Variants in SNX31 observed in about 807,000 individuals in gnomAD.
SNX31 encodes the protein sorting nexin-31.
In SNX31, 58 loss-of-function variants were observed where a neutral mutation model predicts 65.4. That is an observed-to-expected ratio of 0.89 (90% CI 0.72 to 1.10). The LOEUF is 1.10. Ranked by LOEUF, SNX31 falls within the 50% of genes least tolerant of loss-of-function variation. SNX31 has a pLI of 0.00. For synonymous variants in SNX31, 181 were observed against 190.1 expected (o/e 0.95, Z 0.39); for missense variants, 523 against 529.7 (o/e 0.99, Z 0.12).
At chr8:100,596,897 A>T in intron 9 of SNX31, 55 bp from the exon 10 acceptor site, 1 of 1,464,850 alleles carries the variant, frequency 6.8e-7, no homozygotes, top group South Asian at 1.1e-5. Flanking sequence ...GCAAAAGACC[A>T]CTTGAAACAG....
chr8:100,582,980 T>TA (rs1314202833), intron 12 of SNX31, among the ~76,000 whole-genome samples: 41 of 140,420 alleles, frequency 2.9e-4, no homozygotes, highest in Middle Eastern at 3.7e-3. Context: ...AGACTCCATC[T>TA]AAAAAAAAAA....
Position 100,626,476 on chromosome 8 carries a change from A to G in SNX31, c.321+3851T>C, listed in dbSNP as rs943400955. 5.9e-5 allele frequency among the ~76,000 whole-genome samples: 9 copies of G among 152,214 alleles called. No homozygotes were observed. The highest frequency in any genetic ancestry group is 2.2e-4 in the African/African-American group (9 of 41,452). Reference sequence around the variant, plus strand: ...ATCATGATATGAGGAGCTGGGGTTTAAAGCTTTGCTGCTAGACAGTCTGAT... The same window carrying G: ...ATCATGATATGAGGAGCTGGGGTTTGAAGCTTTGCTGCTAGACAGTCTGAT... On this transcript the variant is annotated intron_variant, in intron 4 of 13. Coordinates refer to ENST00000311812, the MANE Select transcript of SNX31 (RefSeq NM_152628.4). This position sits in a 1 kb window ranked among gnomAD's most constrained non-coding sequence, Gnocchi z 4.4.
rs1814234455 is a variant in SNX31 at position 100,588,263 on chromosome 8, T to G, written c.1092+603A>C. Reference sequence around the variant, plus strand: ...TTCAAGATTTAAAAAAATCTGCAATTGGAAACAATTCTGGTGCTAAGCATT... The same window carrying G: ...TTCAAGATTTAAAAAAATCTGCAATGGGAAACAATTCTGGTGCTAAGCATT... On this transcript the variant is annotated intron_variant, in intron 11 of 13. Transcript: ENST00000311812. The surrounding 1 kb of genome is among the most constrained non-coding windows in gnomAD (Gnocchi z 4.8). Among the ~76,000 whole-genome samples, 1 of 152,220 alleles carries G rather than the reference T, an allele frequency of 6.6e-6. No individual in the cohort carries two copies.
chr8:100,606,159 T>C (rs1322387191), intron 8 of SNX31, among the ~76,000 whole-genome samples: 2 of 152,124 alleles, frequency 1.3e-5, no homozygotes, highest in Non-Finnish European at 2.9e-5. Context: ...CTCAGCCTCC[T>C]GAGTAGCTGG....
At chr8:100,637,225 C>T (rs1004544439) in intron 2 of SNX31, among the ~76,000 whole-genome samples, 6 of 152,184 alleles carry the variant, frequency 3.9e-5, no homozygotes, top group African/African-American at 7.2e-5. Context: ...TAAAAATGTG[C>T]ATCTTTATTC....
intron 8 of SNX31, 41 bp from the exon 9 acceptor site, chr8:100,600,482 A>G (rs757568344): frequency 6.5e-7 from 1 of 1,530,456 alleles, no homozygotes; most frequent in South Asian, 1.2e-5. Flanking sequence ...GTCTTAGCAG[A>G]AATTAATCAA....
intron 1 of SNX31, among the ~76,000 whole-genome samples, chr8:100,657,395 T>C (rs1587114717): frequency 6.8e-6 from 1 of 147,624 alleles, no homozygotes; most frequent in South Asian, 2.1e-4. Flanking sequence ...GAGGTTGCGG[T>C]GAGCCAAGAT....
chr8:100,600,548 T>A lies in SNX31; in HGVS notation c.682-107A>T, dbSNP rs1815527163. ...ATATAAAAACAAACCCAAGTGGATA[T>A]ATATTTAGGGATTTAGCATATTATA... On this transcript the variant is annotated intron_variant, in intron 8 of 13. Coordinates refer to ENST00000311812, the MANE Select transcript of SNX31 (RefSeq NM_152628.4). 8 of 800,714 alleles carry A rather than the reference T, an allele frequency of 1.0e-5. No homozygotes were observed. The South Asian group carries it at 1.1e-4, about 11-fold the overall frequency. The allele number at this position is 800,714 out of a possible 1,614,324, so 49.6% of individuals were successfully genotyped here.
chr8:100,577,594 G>A (rs767676358), intron 12 of SNX31, among the ~76,000 whole-genome samples: 18 of 152,236 alleles, frequency 1.2e-4, no homozygotes, highest in Non-Finnish European at 2.1e-4. Context: ...GGAAGGAACC[G>A]TTTAACTATT....
exon 1 of SNX31, chr8:100,663,239 A>ACC (rs35004145): frequency 2.6e-5 from 4 of 151,850 alleles, no homozygotes; most frequent in Non-Finnish European, 5.9e-5. Flanking sequence ...CTGCGCAGAT[A>ACC]CCCCCCCCAA....
At position 100,604,997 on chromosome 8, in the gene SNX31, C is replaced by G. The variant is rs988318690; in HGVS notation, c.681+3497G>C. Among the ~76,000 whole-genome samples the G allele has an allele frequency of 1.3e-5, 2 of 151,992 alleles. No individual in the cohort carries two copies. Among genetic ancestry groups the G allele is most frequent in the African/African-American group, 4.8e-5 (2 of 41,366 alleles). On this transcript the variant is annotated intron_variant, in intron 8 of 13. Transcript: ENST00000311812. The surrounding 1 kb of genome is among the most constrained non-coding windows in gnomAD (Gnocchi z 4.3). ...CCCTGCAACCTCTGCCTCCTGGGTT[C>G]AAGAGATTCTCCTGCCTCGGCCTCC...
At chr8:100,617,292 C>T (rs966402362) in intron 5 of SNX31, among the ~76,000 whole-genome samples, 2 of 152,220 alleles carry the variant, frequency 1.3e-5, no homozygotes, top group African/African-American at 2.4e-5. Flanking sequence ...CTGCTCCCAA[C>T]GATGGGACAT....
At chr8:100,635,447 C>A (rs961413225) in intron 3 of SNX31, among the ~76,000 whole-genome samples, 42 of 151,164 alleles carry the variant, frequency 2.8e-4, no homozygotes, top group East Asian at 7.8e-4. Context: ...CTCTATGTTG[C>A]TCAGGCTGGT....
chr8:100,627,576 C>G lies in SNX31; in HGVS notation c.321+2751G>C, dbSNP rs533473333. The stretch of plus-strand genomic sequence containing the variant: ...TTTTTTTTCGAGACAGAGTCTTGCT[C>G]TTTCACCTAGTCTGGATTGCAGTGG... On this transcript the variant is annotated intron_variant, in intron 4 of 13. Coordinates refer to ENST00000311812, the MANE Select transcript of SNX31 (RefSeq NM_152628.4). 4.6e-5 allele frequency among the ~76,000 whole-genome samples: 7 copies of G among 152,286 alleles called. No individual in the cohort carries two copies. In the East Asian group the frequency reaches 1.3e-3, roughly 29 times the overall value.
chr8:100,654,108 G>A (rs979782560), upstream of SNX31, among the ~76,000 whole-genome samples: 2 of 152,124 alleles, frequency 1.3e-5, no homozygotes. Flanking sequence ...CCAGGCTCAG[G>A]TGATCCTCCC....
intron 2 of SNX31, among the ~76,000 whole-genome samples, chr8:100,637,407 T>C (rs79603772): frequency 0.024 from 3,620 of 152,258 alleles, 150 homozygotes; most frequent in African/African-American, 0.079. Flanking sequence ...AAATGAAAGA[T>C]GGAATAAGAA....
chr8:100,585,989 T>C (rs1814007708), intron 11 of SNX31, among the ~76,000 whole-genome samples: 1 of 152,208 alleles, frequency 6.6e-6, no homozygotes, highest in Admixed American at 6.5e-5. Flanking sequence ...GGTGTAATCT[T>C]GGCTCACTAC....
rs1430879898 is a variant in SNX31 at position 100,639,270 on chromosome 8, A to G, written c.142-3259T>C. On this transcript the variant is annotated intron_variant, in intron 2 of 13. Coordinates refer to ENST00000311812, the MANE Select transcript of SNX31 (RefSeq NM_152628.4). The stretch of plus-strand genomic sequence containing the variant: ...CGAGGATGGAATGTAGAATGTGATA[A>G]AACTATGTTACAAATGTATGAAACC... Among the ~76,000 whole-genome samples, 3 of 152,236 alleles carry G rather than the reference A, an allele frequency of 2.0e-5. No individual in the cohort carries two copies. The South Asian group carries it at 6.2e-4, about 31-fold the overall frequency.
chr8:100,663,170 C>T (rs1333622276), exon 1 of SNX31: 3 of 152,256 alleles, frequency 2.0e-5, no homozygotes, highest in East Asian at 3.9e-4. Flanking sequence ...GCTACTTGAA[C>T]GACGGGACCA....
Sources: gnomAD v4.1 joint callset for allele counts (sites outside exome capture counted in the v4.1 genomes callset) on GRCh38, gnomAD v4.1.1 for gene constraint, Gnocchi (gnomAD v3.1) non-coding constraint, MANE v1.5 for transcripts, NCBI Gene and HGNC (gene_info 2026-07-23, HGNC 2026-07-21) for gene names.